C12orf42: variants seen among roughly 807,000 people sequenced by gnomAD.
The protein encoded by C12orf42 is chromosome 12 open reading frame 42.
Under a neutral mutation model 21.6 loss-of-function variants are expected in C12orf42, and 25 were observed. That is an observed-to-expected ratio of 1.16 (90% confidence interval 0.84 to 1.62). The LOEUF (loss-of-function observed/expected upper bound fraction) is 1.62. Ranked by LOEUF, C12orf42 falls within the 40% of genes most tolerant of loss-of-function variation. C12orf42 has a pLI of 0.00. For missense variants in C12orf42, 483 were observed against 459.3 expected (o/e 1.05, Z -0.47); for synonymous variants, 174 against 175.0 (o/e 0.99, Z 0.05).
chr12:103,059,076 C>T, the C12orf42 span, among the ~76,000 whole-genome samples: 3 of 151,964 alleles, frequency 2.0e-5, no homozygotes, highest in African/African-American at 7.3e-5. Context: ...AGATAGACCA[C>T]TAACTAGACT....
intron 5 of C12orf42, chr12:103,273,742 G>A (rs905918735): frequency 2.6e-5 from 11 of 429,366 alleles, no homozygotes; most frequent in Admixed American, 2.0e-4. Flanking sequence ...AGAAGGAAAA[G>A]GAGGAGGAGA....
intron 2 of C12orf42, among the ~76,000 whole-genome samples, chr12:103,436,856 A>G (rs1950764592): frequency 6.7e-6 from 1 of 149,978 alleles, no homozygotes; most frequent in Non-Finnish European, 1.5e-5. Context: ...TGAGACAGAA[A>G]GTCAACAAGG....
At chr12:103,234,939 C>A (rs991795277), downstream of C12orf42, among the ~76,000 whole-genome samples, 16 of 152,062 alleles carry the variant, frequency 1.1e-4, no homozygotes, top group East Asian at 2.5e-3. Context: ...TTTTTGTAGT[C>A]CCAACATTAC....
chr12:103,222,184 TG>T, the C12orf42 span, among the ~76,000 whole-genome samples: 1 of 152,100 alleles, frequency 6.6e-6, no homozygotes, highest in African/African-American at 2.4e-5. Flanking sequence ...TTATTTCACC[TG>T]GGTGCAGGCG....
chr12:103,192,361 G>T, the C12orf42 span, among the ~76,000 whole-genome samples: 1 of 152,020 alleles, frequency 6.6e-6, no homozygotes, highest in African/African-American at 2.4e-5. Flanking sequence ...AAATTAGCTG[G>T]GTGTGGTGGA....
At chr12:103,162,847 A>G in the C12orf42 span, 1 of 152,202 alleles carries the variant, frequency 6.6e-6, no homozygotes, top group South Asian at 2.1e-4. Context: ...TGTTCATCCT[A>G]GCAGCACGGC....
intron 4 of C12orf42, among the ~76,000 whole-genome samples, chr12:103,323,048 T>C (rs1046082462): frequency 3.6e-4 from 54 of 152,070 alleles, no homozygotes; most frequent in African/African-American, 1.3e-3. Flanking sequence ...TGCCCAACTT[T>C]TCATTGGTAG....
At chr12:103,229,585 C>A in the C12orf42 span, among the ~76,000 whole-genome samples, 1 of 152,186 alleles carries the variant, frequency 6.6e-6, no homozygotes, top group African/African-American at 2.4e-5. Context: ...TATATTAATA[C>A]AATGATTATT....
the C12orf42 span, among the ~76,000 whole-genome samples, chr12:103,129,052 T>C: frequency 3.5e-3 from 538 of 152,318 alleles, 3 homozygotes; most frequent in Middle Eastern, 6.8e-3. Context: ...GGCCTTCCTG[T>C]GCATCTGTCA....
chr12:103,484,305 A>C (rs1469903870), intron 1 of C12orf42, among the ~76,000 whole-genome samples: 1 of 152,120 alleles, frequency 6.6e-6, no homozygotes, highest in Non-Finnish European at 1.5e-5. Flanking sequence ...CTATTTCTTC[A>C]CATCTTCTCC....
the C12orf42 span, among the ~76,000 whole-genome samples, chr12:103,227,609 C>A: frequency 6.6e-6 from 1 of 151,650 alleles, no homozygotes; most frequent in Non-Finnish European, 1.5e-5. Context: ...GGGTTAGAGA[C>A]AAGGAGAGAA....
the C12orf42 span, among the ~76,000 whole-genome samples, chr12:103,182,822 T>A: frequency 6.6e-6 from 1 of 152,248 alleles, no homozygotes; most frequent in African/African-American, 2.4e-5. Flanking sequence ...TGTAAAACAA[T>A]GTGATATCAC....
intron 3 of C12orf42, among the ~76,000 whole-genome samples, chr12:103,379,623 C>T (rs1050188277): frequency 2.6e-5 from 4 of 152,204 alleles, no homozygotes; most frequent in African/African-American, 9.7e-5. Flanking sequence ...ACAAAGGAAT[C>T]ATAATTCAAT....
chr12:103,393,150 C>T (rs7970506), intron 3 of C12orf42, among the ~76,000 whole-genome samples: 93,555 of 151,954 alleles, frequency 0.62, 29,992 homozygotes, highest in Admixed American at 0.73. Context: ...TACCTGAGAC[C>T]GGGTAATTTA....
At chr12:103,373,684 C>T (rs2045457414) in intron 3 of C12orf42, among the ~76,000 whole-genome samples, 1 of 152,136 alleles carries the variant, frequency 6.6e-6, no homozygotes, top group African/African-American at 2.4e-5. Context: ...CACTGCAGAC[C>T]AAAACCAAAA....
At chr12:103,485,253 G>C (rs558213749) in intron 1 of C12orf42, among the ~76,000 whole-genome samples, 353 of 152,224 alleles carry the variant, frequency 2.3e-3, no homozygotes, top group African/African-American at 7.8e-3. Flanking sequence ...TCTTGTTTGT[G>C]TCAGGTTTGT....
At chr12:103,278,848 A>G (rs2035934661) in intron 4 of C12orf42, among the ~76,000 whole-genome samples, 1 of 152,208 alleles carries the variant, frequency 6.6e-6, no homozygotes, top group Non-Finnish European at 1.5e-5. Context: ...CTGACAGCCA[A>G]GTTTTGATAA....
At chr12:103,049,728 C>A in the C12orf42 span, among the ~76,000 whole-genome samples, 1 of 152,208 alleles carries the variant, frequency 6.6e-6, no homozygotes, top group Non-Finnish European at 1.5e-5. Flanking sequence ...CTGGGACACA[C>A]AAGTCTCACT....
the C12orf42 span, among the ~76,000 whole-genome samples, chr12:103,521,050 G>A: frequency 6.6e-6 from 1 of 152,122 alleles, no homozygotes; most frequent in African/African-American, 2.4e-5. Flanking sequence ...CATGCTCTAT[G>A]TACTATAGGT....
Sources: allele counts gnomAD v4.1 joint callset (sites outside exome capture counted in the v4.1 genomes callset), GRCh38; gene constraint gnomAD v4.1.1; transcripts MANE v1.5; gene names NCBI Gene and HGNC (gene_info 2026-07-23, HGNC 2026-07-21).